Variants in RGS6 observed in about 807,000 individuals in gnomAD.
The protein encoded by RGS6 is regulator of G protein signaling 6.
A neutral mutation model predicts 78.5 loss-of-function variants in RGS6; 30 were observed. The observed-to-expected ratio is 0.38, with a 90% CI of 0.29 to 0.52. RGS6 has a LOEUF of 0.52. Ranked by LOEUF, RGS6 falls within the 20% of genes least tolerant of loss-of-function variation. RGS6 has a pLI of 0.85. For synonymous variants in RGS6, 206 were observed against 206.0 expected, an observed-to-expected ratio of 1.00 and a Z score of 0.00; for missense variants, 495 against 609.7, an observed-to-expected ratio of 0.81 and a Z score of 1.98.
intron 2 of RGS6, among the ~76,000 whole-genome samples, chr14:72,252,079 A>C (rs1033017495): frequency 5.3e-5 from 8 of 152,328 alleles, no homozygotes; most frequent in African/African-American, 1.9e-4. Context: ...TTTGTACCAT[A>C]GATAAGATGG....
chr14:72,230,853 T>G (rs1339541244), intron 2 of RGS6, among the ~76,000 whole-genome samples: 4 of 152,144 alleles, frequency 2.6e-5, no homozygotes, highest in Admixed American at 6.5e-5. Flanking sequence ...AATCAAATAC[T>G]TCCACAGCAA....
chr14:72,570,957 G>A (rs542216089), downstream of RGS6, among the ~76,000 whole-genome samples: 1 of 152,172 alleles, frequency 6.6e-6, no homozygotes, highest in African/African-American at 2.4e-5. Context: ...GATAATCTTT[G>A]GGAATTTCAT....
chr14:72,261,484 AATAAGGCTATT>A, intron 2 of RGS6, among the ~76,000 whole-genome samples: 1 of 152,320 alleles, frequency 6.6e-6, no homozygotes, highest in South Asian at 2.1e-4. Context: ...AGTTTCCATA[AATAAGGCTATT>A]ATAAGTGAAA....
At chr14:72,161,558 G>A (rs1296508361) in intron 2 of RGS6, among the ~76,000 whole-genome samples, 1 of 152,150 alleles carries the variant, frequency 6.6e-6, no homozygotes, top group Non-Finnish European at 1.5e-5. Context: ...AGCCAGTCTT[G>A]GATGAGGCGG....
chr14:72,392,690 G>C (rs1053267576), intron 3 of RGS6, among the ~76,000 whole-genome samples: 1 of 152,104 alleles, frequency 6.6e-6, no homozygotes, highest in African/African-American at 2.4e-5. Context: ...GAAACATTCA[G>C]GAAAGGAGAT....
intron 2 of RGS6, among the ~76,000 whole-genome samples, chr14:71,994,668 C>T (rs1481282100): frequency 1.3e-5 from 2 of 151,926 alleles, no homozygotes; most frequent in Non-Finnish European, 1.5e-5. Context: ...ATTTGGCCGT[C>T]ACACTGGAAA....
At chr14:72,410,242 T>G (rs1036478522) in intron 3 of RGS6, among the ~76,000 whole-genome samples, 16 of 152,222 alleles carry the variant, frequency 1.1e-4, no homozygotes, top group Non-Finnish European at 2.2e-4. Context: ...CCTGACTTTT[T>G]AATGATTGCC....
intron 2 of RGS6, among the ~76,000 whole-genome samples, chr14:72,137,554 C>G (rs2096464377): frequency 1.3e-5 from 2 of 152,244 alleles, no homozygotes; most frequent in African/African-American, 4.8e-5. Flanking sequence ...CCCCCAGGCC[C>G]TTTGTCATGT....
chr14:72,147,901 G>A (rs1168372022), intron 2 of RGS6, among the ~76,000 whole-genome samples: 3 of 152,138 alleles, frequency 2.0e-5, no homozygotes, highest in African/African-American at 7.2e-5. Flanking sequence ...GGAGGCCAAG[G>A]CGGGCAGATC....
the RGS6 span, among the ~76,000 whole-genome samples, chr14:71,883,958 T>C: frequency 2.6e-5 from 4 of 152,232 alleles, no homozygotes; most frequent in African/African-American, 9.6e-5. Context: ...GAAATAACTA[T>C]AAGTATCCTT....
intron 15 of RGS6, among the ~76,000 whole-genome samples, chr14:72,532,411 C>A (rs2097193935): frequency 6.6e-6 from 1 of 152,186 alleles, no homozygotes; most frequent in African/African-American, 2.4e-5. Flanking sequence ...TCTCTACTCC[C>A]TGAAATGACA....
chr14:71,872,382 G>A, the RGS6 span, among the ~76,000 whole-genome samples: 891 of 152,280 alleles, frequency 5.9e-3, 13 homozygotes, highest in African/African-American at 0.02. Context: ...GATGGAAAGG[G>A]GGAGTGATTC....
chr14:72,523,404 G>C (rs1017311139), intron 15 of RGS6, among the ~76,000 whole-genome samples: 2 of 152,158 alleles, frequency 1.3e-5, no homozygotes, highest in African/African-American at 4.8e-5. Flanking sequence ...GCTCTGGGTG[G>C]CTTCCTCAGC....
intron 2 of RGS6, among the ~76,000 whole-genome samples, chr14:72,004,320 G>A (rs2084094762): frequency 6.6e-6 from 1 of 151,772 alleles, no homozygotes. Context: ...TGGCTGAGAG[G>A]GCACTTACAA....
At chr14:72,044,187 A>T (rs368321481) in intron 2 of RGS6, among the ~76,000 whole-genome samples, 1 of 152,050 alleles carries the variant, frequency 6.6e-6, no homozygotes, top group East Asian at 1.9e-4. Flanking sequence ...TGTTGACATT[A>T]CCTGTCTGTT....
At position 72,230,609 on chromosome 14, in the gene RGS6, A is replaced by G. The variant is rs1246610730; in HGVS notation, c.85-121486A>G. On this transcript the variant is annotated intron_variant, in intron 2 of 17. Transcript: ENST00000553525. ...ACACACACAGAAATTTATTTCAAGG[A>G]ATTGGCTTATGCAACTGTGGGGGTT... is the stretch of plus-strand genomic sequence containing the variant. 3.3e-5 allele frequency among the ~76,000 whole-genome samples: 5 copies of G among 152,180 alleles called. No individual in the cohort carries two copies. In the East Asian group the frequency reaches 9.6e-4, roughly 29 times the overall value.
chr14:72,237,412 A>G (rs182228798), intron 2 of RGS6, among the ~76,000 whole-genome samples: 1 of 152,300 alleles, frequency 6.6e-6, no homozygotes, highest in Admixed American at 6.5e-5. Context: ...TAGGTACTCA[A>G]TGAATGTATA....
At chr14:72,603,091 A>C in the RGS6 span, among the ~76,000 whole-genome samples, 1 of 152,082 alleles carries the variant, frequency 6.6e-6, no homozygotes, top group Admixed American at 6.5e-5. Flanking sequence ...CTAATAATGT[A>C]TTTTTTTCAG....
chr14:72,482,103 C>G (rs1484188416), intron 12 of RGS6, among the ~76,000 whole-genome samples: 1 of 152,170 alleles, frequency 6.6e-6, no homozygotes, highest in Non-Finnish European at 1.5e-5. Flanking sequence ...AGCCACCGCT[C>G]CCGGCCTATT....
Sources: allele counts gnomAD v4.1 joint callset (sites outside exome capture counted in the v4.1 genomes callset), GRCh38; gene constraint gnomAD v4.1.1; transcripts MANE v1.5; gene names NCBI Gene and HGNC (gene_info 2026-07-23, HGNC 2026-07-21).